CASTOR2: variants seen among roughly 807,000 people sequenced by gnomAD.
The protein encoded by CASTOR2 is cytosolic arginine sensor for mTORC1 subunit 2, also known as GATS protein like 2.
Under a neutral mutation model 31.2 loss-of-function variants are expected in CASTOR2, and 8 were observed. That is an observed-to-expected ratio of 0.26 (90% CI 0.15 to 0.46). The LOEUF (loss-of-function observed/expected upper bound fraction) is 0.46, where lower values mean the gene tolerates loss of function less well. CASTOR2 is among the 20% of genes least tolerant of loss of function. The pLI, the probability that CASTOR2 is intolerant of heterozygous loss-of-function variation, is 0.99. For synonymous variants in CASTOR2, 162 were observed against 158.7 expected (o/e 1.02, Z -0.16); for missense variants, 216 against 382.1 (o/e 0.57, Z 3.62).
At chr7:75,015,373 G>A (rs1216554341) in intron 2 of CASTOR2, among the ~76,000 whole-genome samples, 3 of 152,116 alleles carry the variant, frequency 2.0e-5, no homozygotes, top group African/African-American at 7.2e-5. Flanking sequence ...AGACTCAAGC[G>A]ATCCTCCCAC....
At chr7:74,991,201 C>T (rs1804203861) in intron 1 of CASTOR2, among the ~76,000 whole-genome samples, 2 of 152,172 alleles carry the variant, frequency 1.3e-5, no homozygotes, top group African/African-American at 4.8e-5. Context: ...CCCTGCCTGC[C>T]TGGTAGTGGG....
chr7:74,987,427 G>T (rs1804095493), intron 1 of CASTOR2, among the ~76,000 whole-genome samples: 1 of 151,854 alleles, frequency 6.6e-6, no homozygotes, highest in South Asian at 2.1e-4. Context: ...AAAGATGCCA[G>T]GATCCCTAAA....
chr7:74,971,989 A>C (rs1308827026), intron 1 of CASTOR2, among the ~76,000 whole-genome samples: 3 of 150,370 alleles, frequency 2.0e-5, no homozygotes, highest in Non-Finnish European at 3.0e-5. Context: ...ACATCTCTTT[A>C]TTTATTTATT....
chr7:74,998,943 GTC>G (rs1310645530), intron 1 of CASTOR2, among the ~76,000 whole-genome samples: 2 of 151,886 alleles, frequency 1.3e-5, no homozygotes, highest in African/African-American at 4.8e-5. Flanking sequence ...CACCCACGCT[GTC>G]TGATTGGATT....
chr7:74,999,941 T>G (rs2131938948), intron 1 of CASTOR2, among the ~76,000 whole-genome samples: 1 of 152,264 alleles, frequency 6.6e-6, no homozygotes, highest in East Asian at 1.9e-4. Context: ...AAGGCCCCTG[T>G]CAGCTGGGTG....
At chr7:75,021,745 G>A in intron 6 of CASTOR2, 129 bp from the exon 7 acceptor site, 1 of 1,112,068 alleles carries the variant, frequency 9.0e-7, no homozygotes, top group African/African-American at 1.6e-5. Context: ...ATTGTTTTTG[G>A]GGGGCCCTGA....
chr7:75,008,565 A>C (rs1263237659), intron 2 of CASTOR2, among the ~76,000 whole-genome samples: 1 of 152,058 alleles, frequency 6.6e-6, no homozygotes, highest in Non-Finnish European at 1.5e-5. Context: ...ACATGATGGC[A>C]TGTTCCTGTG....
chr7:74,974,921 C>T (rs1454424824), intron 1 of CASTOR2, among the ~76,000 whole-genome samples: 1 of 144,934 alleles, frequency 6.9e-6, no homozygotes, highest in Non-Finnish European at 1.5e-5. Flanking sequence ...TACTCCCTTC[C>T]CAACACATGC....
chr7:75,021,387 A>G (rs1804997462), intron 6 of CASTOR2, among the ~76,000 whole-genome samples: 1 of 152,122 alleles, frequency 6.6e-6, no homozygotes, highest in African/African-American at 2.4e-5. Flanking sequence ...TCGGCCTCCC[A>G]AAGTGCTGGG....
At chr7:74,982,566 G>A (rs1803971378) in intron 1 of CASTOR2, among the ~76,000 whole-genome samples, 1 of 122,048 alleles carries the variant, frequency 8.2e-6, no homozygotes, top group South Asian at 3.0e-4. Context: ...GGCTGGGCGT[G>A]GTGGCTCACG....
At chr7:75,008,087 G>C in intron 2 of CASTOR2, 23 bp downstream of exon 2, 5 of 1,613,574 alleles carry the variant, frequency 3.1e-6, no homozygotes, top group Non-Finnish European at 4.2e-6. Context: ...CTCCCTAGGG[G>C]CTCGGCTGGA....
intron 2 of CASTOR2, among the ~76,000 whole-genome samples, chr7:75,010,086 T>C (rs1244757324): frequency 4.0e-5 from 6 of 151,676 alleles, no homozygotes; most frequent in Admixed American, 1.3e-4. Flanking sequence ...TTTCCTGAAC[T>C]CCCCTCCTAT....
At chr7:75,018,395 T>G (rs1248257362) in intron 4 of CASTOR2, among the ~76,000 whole-genome samples, 1 of 152,030 alleles carries the variant, frequency 6.6e-6, no homozygotes. Flanking sequence ...CAAAATTAGC[T>G]GGGTGTGGTG....
At chr7:75,008,945 G>A (rs2131945807) in intron 2 of CASTOR2, among the ~76,000 whole-genome samples, 1 of 152,110 alleles carries the variant, frequency 6.6e-6, no homozygotes, top group East Asian at 1.9e-4. Context: ...TGGGCAACAT[G>A]ATGAGAACCT....
At position 75,007,921 on chromosome 7, in the gene CASTOR2, G is replaced by A. The variant is rs1387897176; in HGVS notation, c.114-73G>A. 5.0e-6 allele frequency: 8 copies of A among 1,610,948 alleles called. No homozygotes were observed. In the Admixed American group the frequency reaches 5.0e-5, roughly 10 times the overall value. Reference sequence around the variant, plus strand: ...GGGTGAACTGAGTCATCATCCCCAGGGCACGGGTGGGCAGCTGCCCCAGGG... The same window carrying A: ...GGGTGAACTGAGTCATCATCCCCAGAGCACGGGTGGGCAGCTGCCCCAGGG... On this transcript the variant is annotated intron_variant, in intron 1 of 8. Transcript: ENST00000616305.
At chr7:74,989,164 C>G (rs1804144770) in intron 1 of CASTOR2, among the ~76,000 whole-genome samples, 1 of 151,810 alleles carries the variant, frequency 6.6e-6, no homozygotes, top group African/African-American at 2.4e-5. Context: ...CGGGGTTTCA[C>G]CGTGTTAGCC....
rs1350608677 is a variant in CASTOR2 at position 75,011,608 on chromosome 7, C to T, written c.184+3544C>T. Reference sequence around the variant, plus strand: ...AAAATTTGCCAGGCGTGGTGGTGGGCGCCTGTGGTCCCAGCTACTTGGGAG... The same window carrying T: ...AAAATTTGCCAGGCGTGGTGGTGGGTGCCTGTGGTCCCAGCTACTTGGGAG... On this transcript the variant is annotated intron_variant, in intron 2 of 8. Transcript: ENST00000616305. Among the ~76,000 whole-genome samples, 419 of 149,900 alleles carry T rather than the reference C, an allele frequency of 2.8e-3. 2 individuals are homozygous for T. The highest frequency in any genetic ancestry group is 6.9e-3 in the Middle Eastern group (2 of 288).
intron 2 of CASTOR2, among the ~76,000 whole-genome samples, chr7:75,012,089 C>G (rs1804763595): frequency 6.6e-6 from 1 of 152,104 alleles, no homozygotes; most frequent in Non-Finnish European, 1.5e-5. Flanking sequence ...AGGAAATGCT[C>G]TCAAGGCGCC....
chr7:75,010,379 C>T (rs1488993156), intron 2 of CASTOR2, among the ~76,000 whole-genome samples: 11 of 152,066 alleles, frequency 7.2e-5, no homozygotes, highest in Non-Finnish European at 1.6e-4. Context: ...TGGGGAGCCA[C>T]TGAAGGTTGT....
Sources: allele counts gnomAD v4.1 joint callset (sites outside exome capture counted in the v4.1 genomes callset), GRCh38; gene constraint gnomAD v4.1.1; transcripts MANE v1.5; gene names NCBI Gene and HGNC (gene_info 2026-07-23, HGNC 2026-07-21).